The following CSMD3 variants were observed in gnomAD, a reference collection of about 807,000 sequenced individuals.
CSMD3 encodes the protein CUB and sushi domain-containing protein 3.
In CSMD3, 177 loss-of-function variants were observed where a neutral mutation model predicts 435.2. The ratio of observed to expected loss-of-function variants is 0.41; its 90% CI spans 0.36 to 0.46. The LOEUF (loss-of-function observed/expected upper bound fraction) is 0.46. Among genes scored for constraint, CSMD3 ranks in the 20% least tolerant of loss-of-function variants. The pLI, the probability that CSMD3 is intolerant of heterozygous loss-of-function variation, is 0.34. For missense variants in CSMD3, 4,265 were observed against 4,504.6 expected (o/e 0.95, Z 1.52); for synonymous variants, 1,656 against 1,520.5 (o/e 1.09, Z -2.07).
At chr8:113,317,796 T>C (rs1368879116) in intron 1 of CSMD3, among the ~76,000 whole-genome samples, 1 of 152,140 alleles carries the variant, frequency 6.6e-6, no homozygotes, top group Non-Finnish European at 1.5e-5. Context: ...ATCCATTCTA[T>C]ATTATTTTTC....
At chr8:113,059,504 G>T (rs2088506503) in intron 5 of CSMD3, among the ~76,000 whole-genome samples, 1 of 152,018 alleles carries the variant, frequency 6.6e-6, no homozygotes, top group Non-Finnish European at 1.5e-5. Flanking sequence ...ACATGAATCA[G>T]ATACAAATTT....
At chr8:112,743,186 C>A (rs917931130) in intron 13 of CSMD3, among the ~76,000 whole-genome samples, 1 of 151,446 alleles carries the variant, frequency 6.6e-6, no homozygotes, top group Non-Finnish European at 1.5e-5. Flanking sequence ...TTAAAAATAG[C>A]AAACTAAATC....
intron 33 of CSMD3, 104 bp from the exon 34 acceptor site, chr8:112,408,517 T>C (rs1406527831): frequency 6.1e-6 from 5 of 814,572 alleles, no homozygotes; most frequent in Non-Finnish European, 8.5e-6. Flanking sequence ...TGTCAATCTA[T>C]GTTCTATCAA....
Position 112,705,883 on chromosome 8 carries a change from T to C in CSMD3, c.1973-15833A>G, listed in dbSNP as rs1385972680. ...ACTGGGTATATTATAGTTTAGACTATTAAAGATGAAACATGAAGTGATAAG... is the reference window on the plus strand; with the variant it reads ...ACTGGGTATATTATAGTTTAGACTACTAAAGATGAAACATGAAGTGATAAG... On this transcript the variant is annotated intron_variant, in intron 13 of 70. Transcript: ENST00000297405. Among the ~76,000 whole-genome samples, 3 of 152,092 alleles carry C rather than the reference T, an allele frequency of 2.0e-5. No homozygotes were observed. The East Asian group carries it at 5.8e-4, about 29-fold the overall frequency.
intron 5 of CSMD3, among the ~76,000 whole-genome samples, chr8:113,028,841 A>C (rs903956741): frequency 6.6e-6 from 1 of 151,634 alleles, no homozygotes. Context: ...TGCAAGGTGC[A>C]TCAGCATAAA....
chr8:112,618,262 C>T (rs896584303), intron 22 of CSMD3, among the ~76,000 whole-genome samples: 11 of 151,930 alleles, frequency 7.2e-5, no homozygotes, highest in Admixed American at 7.2e-4. Flanking sequence ...ACTTCCAATT[C>T]TTGAAGCTCT....
chr8:112,878,992 A>C (rs1420705379), intron 10 of CSMD3, among the ~76,000 whole-genome samples: 4 of 152,134 alleles, frequency 2.6e-5, no homozygotes, highest in Non-Finnish European at 5.9e-5. Flanking sequence ...ATTGTTCATA[A>C]AGCATGTGTT....
intron 4 of CSMD3, among the ~76,000 whole-genome samples, chr8:113,131,637 G>A (rs2091286407): frequency 6.6e-6 from 1 of 152,134 alleles, no homozygotes; most frequent in Non-Finnish European, 1.5e-5. Flanking sequence ...CTAGGAAAGT[G>A]CAGAAGGGAA....
chr8:113,029,575 T>C (rs1174385786), intron 5 of CSMD3, among the ~76,000 whole-genome samples: 1 of 151,544 alleles, frequency 6.6e-6, no homozygotes, highest in East Asian at 1.9e-4. Flanking sequence ...AGATCCAGCA[T>C]CCATTTATGA....
At chr8:113,137,894 C>G (rs770431918) in intron 4 of CSMD3, among the ~76,000 whole-genome samples, 1 of 151,550 alleles carries the variant, frequency 6.6e-6, no homozygotes. Context: ...TACATCCAAA[C>G]CCTATAGAAT....
chr8:112,347,130 C>A (rs138628972), intron 40 of CSMD3, among the ~76,000 whole-genome samples: 56 of 151,976 alleles, frequency 3.7e-4, no homozygotes, highest in Non-Finnish European at 5.7e-4. Context: ...GTAGGGAGTT[C>A]GTAAATGTGC....
intron 3 of CSMD3, among the ~76,000 whole-genome samples, chr8:113,181,680 T>A (rs1244966984): frequency 6.6e-6 from 1 of 152,046 alleles, no homozygotes; most frequent in Non-Finnish European, 1.5e-5. Context: ...TAAAAAGTTA[T>A]GATTATTCGA....
At chr8:113,289,712 C>T (rs1319268600) in intron 2 of CSMD3, among the ~76,000 whole-genome samples, 1 of 151,674 alleles carries the variant, frequency 6.6e-6, no homozygotes, top group Non-Finnish European at 1.5e-5. Flanking sequence ...ATTGCACACA[C>T]TTTATCATGT....
chr8:112,462,657 CAACAGAAAGA>C (rs1297300902), intron 32 of CSMD3, among the ~76,000 whole-genome samples: 1 of 148,766 alleles, frequency 6.7e-6, no homozygotes, highest in Non-Finnish European at 1.5e-5. Flanking sequence ...AATATAATAA[CAACAGAAAGA>C]TATATATGAC....
intron 37 of CSMD3, among the ~76,000 whole-genome samples, chr8:112,382,291 C>CAAAAAA (rs11384093): frequency 1.4e-4 from 16 of 116,770 alleles, no homozygotes; most frequent in African/African-American, 5.0e-4. Flanking sequence ...CTCTAAAATG[C>CAAAAAA]AAAAAAAAAA....
At chr8:113,134,514 A>C (rs372185101) in intron 4 of CSMD3, among the ~76,000 whole-genome samples, 12 of 152,066 alleles carry the variant, frequency 7.9e-5, no homozygotes, top group African/African-American at 2.7e-4. Flanking sequence ...CTGTAAGAAC[A>C]CAGTCACTCA....
intron 3 of CSMD3, among the ~76,000 whole-genome samples, chr8:113,269,840 G>A (rs1272882917): frequency 6.6e-6 from 1 of 151,860 alleles, no homozygotes; most frequent in African/African-American, 2.4e-5. Flanking sequence ...TTAAATGTTA[G>A]ACCTAAAACC....
At position 112,311,164 on chromosome 8, in the gene CSMD3, A is replaced by T. The variant is rs2130815543; in HGVS notation, c.7699T>A (p.Phe2567Ile). The T allele has an allele frequency of 6.2e-7, 1 of 1,613,356 alleles. No homozygotes were observed. The highest frequency in any genetic ancestry group is 8.5e-7 in the Non-Finnish European group (1 of 1,179,462). The change falls in exon 50 of 71, where the codon TTC (phenylalanine) becomes ATC (isoleucine). Residue 2567 changes from phenylalanine to isoleucine, a missense_variant and splice_region_variant. Transcript: ENST00000297405. ...KKGFRIRYIA[F>I]YCSTPESPPH... The stretch of plus-strand genomic sequence containing the variant: ...GGGGATTCTGGTGTACTACAGTAGA[A>T]AGCTTTTCAAAAGAAAAAAAAAATG...
rs952658327 is a variant in CSMD3 at position 113,407,764 on chromosome 8, T to C, written c.178+28913A>G. On this transcript the variant is annotated intron_variant, in intron 1 of 70. Coordinates refer to ENST00000297405, the MANE Select transcript of CSMD3 (RefSeq NM_198123.2). ...GTAGGTTATGATGACACAGAGTTTA[T>C]GCTCAAAAGATGCTTATTAAATTAA... Among the ~76,000 whole-genome samples, 3 of 152,108 alleles carry C rather than the reference T, an allele frequency of 2.0e-5. No individual in the cohort carries two copies. The East Asian group carries it at 5.8e-4, about 29-fold the overall frequency.
Sources: gnomAD v4.1 joint callset for allele counts (sites outside exome capture counted in the v4.1 genomes callset) on GRCh38, gnomAD v4.1.1 for gene constraint, MANE v1.5 for transcripts, NCBI Gene and HGNC (gene_info 2026-07-23, HGNC 2026-07-21) for gene names.